The following TENM3 variants were observed in gnomAD, a reference collection of about 807,000 sequenced individuals.
TENM3 encodes the protein teneurin-3.
In TENM3, 63 loss-of-function variants were observed where a neutral mutation model predicts 255.1. The ratio of observed to expected loss-of-function variants is 0.25; its 90% CI spans 0.20 to 0.30. The LOEUF is 0.30. Among genes scored for constraint, TENM3 ranks in the 10% least tolerant of loss-of-function variants. The pLI, the probability that TENM3 is intolerant of heterozygous loss-of-function variation, is 1.00. For missense variants in TENM3, 2,929 were observed against 3,461.1 expected (o/e 0.85, Z 3.86); for synonymous variants, 1,306 against 1,322.3 (o/e 0.99, Z 0.27).
At chr4:182,758,664 C>A (rs1008307322) in intron 22 of TENM3, among the ~76,000 whole-genome samples, 1 of 152,098 alleles carries the variant, frequency 6.6e-6, no homozygotes, top group Non-Finnish European at 1.5e-5. Context: ...TTTTAGAGTA[C>A]CATGTGTCTA....
chr4:182,629,244 G>C (rs376612357), intron 5 of TENM3, among the ~76,000 whole-genome samples: 8 of 152,100 alleles, frequency 5.3e-5, no homozygotes, highest in South Asian at 2.1e-4. Flanking sequence ...CCTTCAATGC[G>C]TACTCAATAG....
the TENM3 span, among the ~76,000 whole-genome samples, chr4:182,088,455 C>A: frequency 1.3e-5 from 2 of 152,134 alleles, no homozygotes; most frequent in African/African-American, 2.4e-5. Flanking sequence ...TTCTCCCCAA[C>A]CTTTCAACAG....
the TENM3 span, among the ~76,000 whole-genome samples, chr4:181,563,408 C>T: frequency 6.6e-6 from 1 of 152,144 alleles, no homozygotes; most frequent in African/African-American, 2.4e-5. Context: ...TGGATTGGGG[C>T]CCACCTTAAT....
chr4:181,837,905 C>T, the TENM3 span, among the ~76,000 whole-genome samples: 7 of 152,076 alleles, frequency 4.6e-5, no homozygotes, highest in South Asian at 4.2e-4. Context: ...TTTGGGAGTC[C>T]GAGGCAGGCA....
intron 1 of TENM3, among the ~76,000 whole-genome samples, chr4:182,179,519 A>G (rs1752715103): frequency 6.6e-6 from 1 of 152,254 alleles, no homozygotes; most frequent in African/African-American, 2.4e-5. Context: ...TTATCACAAT[A>G]TATAATAGAA....
the TENM3 span, among the ~76,000 whole-genome samples, chr4:181,464,900 G>A: frequency 0.023 from 3,489 of 152,206 alleles, 130 homozygotes; most frequent in African/African-American, 0.079. Flanking sequence ...GCAGTGAGCC[G>A]AGATGGTGCC....
chr4:182,496,455 C>T (rs1735781910), intron 3 of TENM3, among the ~76,000 whole-genome samples: 1 of 152,012 alleles, frequency 6.6e-6, no homozygotes, highest in South Asian at 2.1e-4. Flanking sequence ...GAAAATCAGC[C>T]TTTAATTAGT....
chr4:181,591,958 G>GA, the TENM3 span, among the ~76,000 whole-genome samples: 723 of 147,496 alleles, frequency 4.9e-3, 2 homozygotes, highest in African/African-American at 0.016. Context: ...AAAAAAGCCA[G>GA]AAAAAAAAAA....
chr4:182,703,081 A>T (rs937738044), intron 12 of TENM3, among the ~76,000 whole-genome samples: 1 of 152,196 alleles, frequency 6.6e-6, no homozygotes, highest in African/African-American at 2.4e-5. Context: ...TGCCTCCTGA[A>T]TTATTTTTCA....
At chr4:182,334,420 G>A (rs1231765918) in intron 2 of TENM3, among the ~76,000 whole-genome samples, 1 of 152,050 alleles carries the variant, frequency 6.6e-6, no homozygotes, top group Non-Finnish European at 1.5e-5. Context: ...ATTTTAATTG[G>A]CGTGAGTGAT....
At chr4:182,189,227 C>T (rs930796307) in intron 1 of TENM3, among the ~76,000 whole-genome samples, 1 of 151,358 alleles carries the variant, frequency 6.6e-6, no homozygotes, top group African/African-American at 2.4e-5. Context: ...CTTTCTTCTC[C>T]CGGTGCTGGA....
At chr4:181,935,497 A>T in the TENM3 span, among the ~76,000 whole-genome samples, 139 of 152,308 alleles carry the variant, frequency 9.1e-4, 1 homozygote, top group African/African-American at 3.2e-3. Context: ...CCTGAAAATA[A>T]AGCCTTGCTA....
intron 3 of TENM3, among the ~76,000 whole-genome samples, chr4:182,369,016 A>C (rs571496733): frequency 6.6e-6 from 1 of 152,158 alleles, no homozygotes; most frequent in Non-Finnish European, 1.5e-5. Flanking sequence ...TCGCTCCAAA[A>C]TCCTTTGCCC....
chr4:181,607,962 CA>C, the TENM3 span, among the ~76,000 whole-genome samples: 1 of 152,100 alleles, frequency 6.6e-6, no homozygotes, highest in East Asian at 1.9e-4. Context: ...TTCCTTGATG[CA>C]AAAGTCTACT....
At chr4:181,500,334 GA>G in the TENM3 span, among the ~76,000 whole-genome samples, 5,424 of 139,410 alleles carry the variant, frequency 0.039, 184 homozygotes, top group African/African-American at 0.1. Flanking sequence ...CGGCCTTATG[GA>G]AAAAAAAAAA....
At chr4:182,056,933 T>G in the TENM3 span, among the ~76,000 whole-genome samples, 3 of 151,330 alleles carry the variant, frequency 2.0e-5, no homozygotes, top group African/African-American at 7.3e-5. Context: ...AAGTGCAGAG[T>G]GAAAGAATAT....
the TENM3 span, among the ~76,000 whole-genome samples, chr4:181,910,302 C>G: frequency 2.0e-5 from 3 of 151,992 alleles, no homozygotes; most frequent in Non-Finnish European, 4.4e-5. Context: ...TGCAGTGGCT[C>G]ATGCCTGTAA....
the TENM3 span, among the ~76,000 whole-genome samples, chr4:181,456,542 T>A: frequency 6.6e-6 from 1 of 151,944 alleles, no homozygotes; most frequent in South Asian, 2.1e-4. Flanking sequence ...TAAGCTAGTA[T>A]CTCTATATCA....
chr4:182,118,989 T>C, the TENM3 span, among the ~76,000 whole-genome samples: 2 of 152,116 alleles, frequency 1.3e-5, no homozygotes, highest in Non-Finnish European at 2.9e-5. Flanking sequence ...TGGTCAGGTG[T>C]CAAGGGAGAG....
Sources: allele counts gnomAD v4.1 joint callset (sites outside exome capture counted in the v4.1 genomes callset), GRCh38; gene constraint gnomAD v4.1.1; transcripts MANE v1.5; gene names NCBI Gene and HGNC (gene_info 2026-07-23, HGNC 2026-07-21).